CSMD3: variants seen among roughly 807,000 people sequenced by gnomAD.
The protein encoded by CSMD3 is CUB and Sushi multiple domains 3.
In CSMD3, 177 loss-of-function variants were observed where a neutral mutation model predicts 435.2. The ratio of observed to expected loss-of-function variants is 0.41; its 90% CI spans 0.36 to 0.46. CSMD3 has a LOEUF of 0.46. Among genes scored for constraint, CSMD3 ranks in the 20% least tolerant of loss-of-function variants. The pLI is 0.34. For synonymous variants in CSMD3, 1,656 were observed against 1,520.5 expected (o/e 1.09, Z -2.07); for missense variants, 4,265 against 4,504.6 (o/e 0.95, Z 1.52).
At chr8:112,361,588 T>C (rs1398901766) in intron 38 of CSMD3, among the ~76,000 whole-genome samples, 5,391 of 61,286 alleles carry the variant, frequency 0.088, 363 homozygotes, top group Admixed American at 0.16. Context: ...TATATATATA[T>C]ATATATATAT....
At chr8:112,926,853 T>C (rs753411950) in intron 9 of CSMD3, among the ~76,000 whole-genome samples, 5 of 152,148 alleles carry the variant, frequency 3.3e-5, no homozygotes, top group Non-Finnish European at 7.4e-5. Flanking sequence ...TCTGCACTTT[T>C]GTTGTTATTA....
At chr8:113,109,648 C>G (rs1169374832) in intron 4 of CSMD3, among the ~76,000 whole-genome samples, 1 of 152,146 alleles carries the variant, frequency 6.6e-6, no homozygotes, top group Non-Finnish European at 1.5e-5. Context: ...GCTCCCGTGA[C>G]AGTTCTGTGT....
At chr8:113,259,076 G>A (rs982586229) in intron 3 of CSMD3, among the ~76,000 whole-genome samples, 4 of 152,060 alleles carry the variant, frequency 2.6e-5, no homozygotes, top group African/African-American at 9.7e-5. Flanking sequence ...TGAAAAACAA[G>A]GTAGGTAGTT....
intron 3 of CSMD3, among the ~76,000 whole-genome samples, chr8:113,198,864 A>C (rs28522408): frequency 0.33 from 50,140 of 150,652 alleles, 9,092 homozygotes; most frequent in African/African-American, 0.49. Flanking sequence ...AAAATCCCCA[A>C]AAGAATTAAA....
chr8:112,489,400 G>A (rs1002043644), intron 31 of CSMD3, among the ~76,000 whole-genome samples: 1 of 152,184 alleles, frequency 6.6e-6, no homozygotes, highest in African/African-American at 2.4e-5. Flanking sequence ...ACTCCAGCAT[G>A]GGTGACAGAG....
chr8:112,482,851 A>G (rs1819764354), intron 31 of CSMD3, among the ~76,000 whole-genome samples: 2 of 152,178 alleles, frequency 1.3e-5, no homozygotes, highest in South Asian at 4.1e-4. Flanking sequence ...CTTTTTCAGA[A>G]ACCACCATTA....
At chr8:113,340,376 G>A (rs1209095844) in intron 1 of CSMD3, among the ~76,000 whole-genome samples, 2 of 151,978 alleles carry the variant, frequency 1.3e-5, no homozygotes, top group African/African-American at 4.8e-5. Context: ...TACACACCCA[G>A]AAGACATAAA....
chr8:113,093,873 T>C (rs1444865213), intron 5 of CSMD3, among the ~76,000 whole-genome samples: 1 of 152,158 alleles, frequency 6.6e-6, no homozygotes, highest in Non-Finnish European at 1.5e-5. Context: ...TTCTATGTTA[T>C]ATAACCTGCA....
At chr8:113,287,150 T>C (rs944319163) in intron 2 of CSMD3, among the ~76,000 whole-genome samples, 1 of 152,070 alleles carries the variant, frequency 6.6e-6, no homozygotes, top group Admixed American at 6.6e-5. Flanking sequence ...TGCTGCACCC[T>C]GTACTGCTAA....
intron 4 of CSMD3, among the ~76,000 whole-genome samples, chr8:113,104,933 A>G (rs1410451858): frequency 1.3e-5 from 2 of 152,092 alleles, no homozygotes; most frequent in Non-Finnish European, 2.9e-5. Flanking sequence ...ATTTCCATTT[A>G]CCTTCCAAAG....
At chr8:113,314,927 G>T (rs951473631) in intron 1 of CSMD3, 134 bp from the exon 2 acceptor site, 12 of 630,828 alleles carry the variant, frequency 1.9e-5, no homozygotes, top group Non-Finnish European at 3.3e-5. Flanking sequence ...CAGTTTAAGA[G>T]CTGGGCACTA....
intron 3 of CSMD3, among the ~76,000 whole-genome samples, chr8:113,254,930 T>A (rs1048118649): frequency 6.6e-6 from 1 of 152,108 alleles, no homozygotes; most frequent in Admixed American, 6.5e-5. Flanking sequence ...CAAAAATTTA[T>A]TATAACAATT....
At chr8:112,296,620 C>T (rs1820314012) in intron 53 of CSMD3, among the ~76,000 whole-genome samples, 1 of 151,416 alleles carries the variant, frequency 6.6e-6, no homozygotes, top group Non-Finnish European at 1.5e-5. Context: ...TAAAGCATTA[C>T]TTATTAAAGA....
intron 1 of CSMD3, among the ~76,000 whole-genome samples, chr8:113,378,356 G>A (rs1195791636): frequency 1.3e-5 from 2 of 152,154 alleles, no homozygotes; most frequent in East Asian, 3.9e-4. Flanking sequence ...ACAAACTTAT[G>A]CAAATGGTGA....
At chr8:112,417,844 C>A (rs1428272925) in intron 32 of CSMD3, among the ~76,000 whole-genome samples, 2 of 152,082 alleles carry the variant, frequency 1.3e-5, no homozygotes, top group African/African-American at 4.8e-5. Context: ...AGAAATAGTT[C>A]CACATAGAAG....
intron 10 of CSMD3, among the ~76,000 whole-genome samples, chr8:112,904,581 A>T (rs186800134): frequency 5.6e-4 from 85 of 151,468 alleles, no homozygotes; most frequent in African/African-American, 1.8e-3. Context: ...GAAGGTGGTT[A>T]TCCTATGATA....
At chr8:113,322,903 G>A (rs1026380075) in intron 1 of CSMD3, among the ~76,000 whole-genome samples, 1 of 151,932 alleles carries the variant, frequency 6.6e-6, no homozygotes, top group Non-Finnish European at 1.5e-5. Context: ...CCGCCACCAT[G>A]CCCGGCTAAT....
intron 17 of CSMD3, among the ~76,000 whole-genome samples, chr8:112,665,654 T>C (rs547026667): frequency 3.7e-4 from 57 of 152,306 alleles, no homozygotes; most frequent in Non-Finnish European, 7.8e-4. Flanking sequence ...TGAGAGATTA[T>C]ATAGATAAAT....
intron 3 of CSMD3, among the ~76,000 whole-genome samples, chr8:113,259,762 C>G (rs1360175296): frequency 1.3e-5 from 2 of 151,944 alleles, no homozygotes; most frequent in African/African-American, 4.8e-5. Flanking sequence ...ATTTTAAAGT[C>G]TGAAAAGAGG....
Sources: gnomAD v4.1 joint callset for allele counts (sites outside exome capture counted in the v4.1 genomes callset) on GRCh38, gnomAD v4.1.1 for gene constraint, MANE v1.5 for transcripts, NCBI Gene and HGNC (gene_info 2026-07-23, HGNC 2026-07-21) for gene names.